TBC1D23: variants seen among roughly 807,000 people sequenced by gnomAD.
The protein encoded by TBC1D23 is HCV non-structural protein 4A-transactivated protein 1.
A neutral mutation model predicts 91.4 loss-of-function variants in TBC1D23; 55 were observed. That is an observed-to-expected ratio of 0.60 (90% CI 0.48 to 0.75). The LOEUF (loss-of-function observed/expected upper bound fraction) is 0.75, where lower values mean the gene tolerates loss of function less well. Among genes scored for constraint, TBC1D23 ranks in the 30% least tolerant of loss-of-function variants. TBC1D23 has a pLI of 0.00. For missense variants in TBC1D23, 725 were observed against 836.1 expected, an observed-to-expected ratio of 0.87 and a Z score of 1.64; for synonymous variants, 289 against 281.0, an observed-to-expected ratio of 1.03 and a Z score of -0.28.
rs577483891 is a variant in TBC1D23 at position 100,314,555 on chromosome 3, C to T, written c.1599-1544C>T. ...GGCTGAGGTGGGAGGATCACGGGTC[C>T]AAGAGTTCAAGACCATTCTGTGCAG... On this transcript the variant is annotated intron_variant, in intron 15 of 18. Transcript: ENST00000394144. Among the ~76,000 whole-genome samples, 13 of 152,080 alleles carry T rather than the reference C, an allele frequency of 8.5e-5. No individual in the cohort carries two copies. The South Asian group carries it at 2.7e-3, about 32-fold the overall frequency.
intron 5 of TBC1D23, among the ~76,000 whole-genome samples, chr3:100,291,746 TTAA>T (rs1348886504): frequency 6.6e-6 from 1 of 151,812 alleles, no homozygotes; most frequent in Non-Finnish European, 1.5e-5. Flanking sequence ...GCAAATCTCA[TTAA>T]TGTTTGGCTA....
intron 14 of TBC1D23, 121 bp from the exon 15 acceptor site, chr3:100,311,712 A>T: frequency 1.6e-6 from 1 of 622,646 alleles, no homozygotes; most frequent in Admixed American, 3.1e-5. Context: ...TGATGGAAAC[A>T]TCTTCTTTAT....
chr3:100,288,418 T>C (rs1158881049), intron 4 of TBC1D23, among the ~76,000 whole-genome samples: 1 of 152,192 alleles, frequency 6.6e-6, no homozygotes, highest in East Asian at 1.9e-4. Context: ...TATGGCATAA[T>C]GACTTAAGGT....
intron 13 of TBC1D23, 111 bp downstream of exon 13, chr3:100,306,654 T>C (rs1705523144): frequency 4.9e-6 from 3 of 606,792 alleles, no homozygotes; most frequent in South Asian, 4.0e-5. Context: ...TTCAAACACA[T>C]GCAATGAAGA....
intron 3 of TBC1D23, among the ~76,000 whole-genome samples, chr3:100,282,388 T>A (rs1373071602): frequency 6.6e-6 from 1 of 152,178 alleles, no homozygotes; most frequent in East Asian, 1.9e-4. Flanking sequence ...CATTTATGGG[T>A]TTGTTGTAGT....
chr3:100,322,589 C>G (rs1174239405), intron 18 of TBC1D23, among the ~76,000 whole-genome samples: 1 of 152,128 alleles, frequency 6.6e-6, no homozygotes, highest in Non-Finnish European at 1.5e-5. Flanking sequence ...TAAATTCCTG[C>G]AAGTAGATTC....
chr3:100,302,498 A>T (rs1471137417), intron 11 of TBC1D23, among the ~76,000 whole-genome samples: 1 of 152,234 alleles, frequency 6.6e-6, no homozygotes, highest in Non-Finnish European at 1.5e-5. Context: ...GTACAGTTTG[A>T]AATACCACCT....
At chr3:100,316,358 T>C (rs565861686) in intron 16 of TBC1D23, among the ~76,000 whole-genome samples, 171 bp downstream of exon 16, 2 of 152,222 alleles carry the variant, frequency 1.3e-5, no homozygotes, top group Admixed American at 1.3e-4. Context: ...CCTTGAATTG[T>C]TGTACGTATT....
chr3:100,319,845 C>T (rs544299458), intron 17 of TBC1D23, among the ~76,000 whole-genome samples: 47 of 152,200 alleles, frequency 3.1e-4, no homozygotes, highest in African/African-American at 1.0e-3. Flanking sequence ...AAGAAGTCTA[C>T]AAATGTGACA....
At chr3:100,301,076 T>TAG (rs1193065649) in intron 10 of TBC1D23, among the ~76,000 whole-genome samples, 1 of 152,176 alleles carries the variant, frequency 6.6e-6, no homozygotes, top group Non-Finnish European at 1.5e-5. Context: ...TTTGTGAACT[T>TAG]ATGCAAATAT....
At chr3:100,287,508 C>T (rs934279383) in intron 4 of TBC1D23, among the ~76,000 whole-genome samples, 1 of 152,184 alleles carries the variant, frequency 6.6e-6, no homozygotes, top group African/African-American at 2.4e-5. Flanking sequence ...ATAGTGTATG[C>T]CTCTACTCAC....
chr3:100,297,870 G>T, intron 8 of TBC1D23, 53 bp from the exon 9 acceptor site: 1 of 1,442,616 alleles, frequency 6.9e-7, no homozygotes, highest in Non-Finnish European at 9.5e-7. Context: ...ATATTTTTAG[G>T]AAGAAAGTTT....
At chr3:100,281,931 T>C in intron 3 of TBC1D23, 84 bp downstream of exon 3, 1 of 723,884 alleles carries the variant, frequency 1.4e-6, no homozygotes, top group Non-Finnish European at 2.3e-6. Context: ...AATAATCTTA[T>C]AATTTCAGAA....
At chr3:100,321,739 T>C (rs1230041553) in intron 18 of TBC1D23, among the ~76,000 whole-genome samples, 3 of 152,196 alleles carry the variant, frequency 2.0e-5, no homozygotes, top group Non-Finnish European at 4.4e-5. Flanking sequence ...ATTATTCAGC[T>C]TCTTTCATCT....
intron 1 of TBC1D23, among the ~76,000 whole-genome samples, chr3:100,264,534 C>T (rs757997663): frequency 1.3e-5 from 2 of 152,162 alleles, no homozygotes; most frequent in Admixed American, 1.3e-4. Context: ...TTGAGAACAT[C>T]GATTACTTTT....
chr3:100,301,953 C>T, intron 10 of TBC1D23, 114 bp from the exon 11 acceptor site: 1 of 704,220 alleles, frequency 1.4e-6, no homozygotes, highest in Non-Finnish European at 2.4e-6. Flanking sequence ...TTTTCCCCTT[C>T]ATTTTCATTG....
At chr3:100,291,604 G>T (rs887413767) in intron 5 of TBC1D23, among the ~76,000 whole-genome samples, 1 of 150,836 alleles carries the variant, frequency 6.6e-6, no homozygotes, top group Non-Finnish European at 1.5e-5. Context: ...AAAAATTAAG[G>T]AATTTTAAAT....
chr3:100,265,387 T>C (rs895991519), intron 1 of TBC1D23, among the ~76,000 whole-genome samples: 1 of 152,234 alleles, frequency 6.6e-6, no homozygotes, highest in Non-Finnish European at 1.5e-5. Context: ...GATTCAGCCA[T>C]GTAAGCTCAA....
At chr3:100,269,301 T>C (rs1277358523) in intron 1 of TBC1D23, among the ~76,000 whole-genome samples, 2 of 152,200 alleles carry the variant, frequency 1.3e-5, no homozygotes, top group Non-Finnish European at 2.9e-5. Flanking sequence ...CTCCCAAAGC[T>C]GTTTTTGTGG....
Sources: gnomAD v4.1 joint callset for allele counts (sites outside exome capture counted in the v4.1 genomes callset) on GRCh38, gnomAD v4.1.1 for gene constraint, MANE v1.5 for transcripts, NCBI Gene and HGNC (gene_info 2026-07-23, HGNC 2026-07-21) for gene names.